Variants in TPRA1 observed in about 807,000 individuals in gnomAD.
The protein encoded by TPRA1 is transmembrane protein adipocyte-associated 1.
A neutral mutation model predicts 40.1 loss-of-function variants in TPRA1; 28 were observed. The observed-to-expected ratio is 0.70, with a 90% CI of 0.52 to 0.96. The LOEUF (loss-of-function observed/expected upper bound fraction) is 0.96, where lower values mean the gene tolerates loss of function less well. Among genes scored for constraint, TPRA1 ranks in the 40% least tolerant of loss-of-function variants. The pLI is 0.00. For missense variants in TPRA1, 441 were observed against 482.6 expected, an observed-to-expected ratio of 0.91 and a Z score of 0.81; for synonymous variants, 219 against 209.7, an observed-to-expected ratio of 1.04 and a Z score of -0.38.
intron 1 of TPRA1, among the ~76,000 whole-genome samples, chr3:127,583,221 G>C (rs2073887352): frequency 1.3e-5 from 2 of 151,924 alleles, no homozygotes; most frequent in African/African-American, 4.8e-5. Context: ...GCTGAGGCAG[G>C]AGAATCACTT....
chr3:127,584,446 C>CAAAAA (rs1425054566), intron 1 of TPRA1, among the ~76,000 whole-genome samples: 1 of 5,310 alleles, frequency 1.9e-4, no homozygotes, highest in Non-Finnish European at 3.4e-4. Context: ...GAGACCCTGT[C>CAAAAA]TAAAAAAAAA....
chr3:127,576,056 G>A lies in TPRA1; in HGVS notation c.499-6C>T, dbSNP rs754845235. The A allele has an allele frequency of 1.2e-6, 2 of 1,608,164 alleles. No individual in the cohort carries two copies. The highest frequency in any genetic ancestry group is 1.7e-6 in the Non-Finnish European group (2 of 1,174,992). ...TACAGGATCTCCAGGGTCCCCTGCA[G>A]GGGCAAGCAGGAAGGGAGGAAGGGA... On this transcript the variant is annotated splice_polypyrimidine_tract_variant and splice_region_variant and intron_variant, in intron 6 of 10. Transcript: ENST00000355552. This position sits in a 1 kb window ranked among gnomAD's most constrained non-coding sequence, Gnocchi z 4.6.
intron 7 of TPRA1, 45 bp from the exon 8 acceptor site, chr3:127,575,854 C>A: frequency 1.2e-6 from 2 of 1,612,262 alleles, no homozygotes; most frequent in Non-Finnish European, 1.7e-6. Context: ...GGCGCCAGCC[C>A]AGACCCACAG....
At position 127,586,145 on chromosome 3, in the gene TPRA1, G is replaced by C. The variant is rs775825989; in HGVS notation, c.-18+4265C>G. On this transcript the variant is annotated intron_variant, in intron 1 of 10. Transcript: ENST00000355552. ...GATCTGTGCCTGTGTGGGGTGTCCA[G>C]AACTGTCTTCCTGCACCCCTGGAGG... Among the ~76,000 whole-genome samples the C allele has an allele frequency of 5.3e-5, 8 of 152,214 alleles. No homozygotes were observed. In the East Asian group the frequency reaches 1.3e-3, roughly 26 times the overall value.
chr3:127,585,277 A>G (rs1296575881), intron 1 of TPRA1, among the ~76,000 whole-genome samples: 2 of 152,228 alleles, frequency 1.3e-5, no homozygotes, highest in East Asian at 3.8e-4. Context: ...CCAGATGCAC[A>G]AGTCCAGAGG....
chr3:127,574,458 A>G (rs1402306466), intron 10 of TPRA1, among the ~76,000 whole-genome samples: 1 of 152,226 alleles, frequency 6.6e-6, no homozygotes, highest in Non-Finnish European at 1.5e-5. Flanking sequence ...CCCATCTCAC[A>G]GACGCTTCTG....
intron 1 of TPRA1, chr3:127,597,969 A>T (rs976422522): frequency 5.1e-6 from 1 of 194,662 alleles, no homozygotes; most frequent in Non-Finnish European, 1.1e-5. Context: ...CACCATGCCC[A>T]ACTAATTTTT....
At chr3:127,592,382 T>TG (rs1454229409), upstream of TPRA1, among the ~76,000 whole-genome samples, 4 of 140,874 alleles carry the variant, frequency 2.8e-5, no homozygotes, top group East Asian at 4.2e-4. Flanking sequence ...TTTTTTTTTT[T>TG]TTTTTTTTTT....
intron 10 of TPRA1, 64 bp downstream of exon 10, chr3:127,575,121 C>A: frequency 6.4e-7 from 1 of 1,552,986 alleles, no homozygotes; most frequent in South Asian, 1.1e-5. Flanking sequence ...TCCTCACACC[C>A]ATGCTGGAAG....
intron 1 of TPRA1, among the ~76,000 whole-genome samples, chr3:127,595,883 T>C (rs2074235680): frequency 6.6e-6 from 1 of 152,084 alleles, no homozygotes; most frequent in African/African-American, 2.4e-5. Flanking sequence ...AGGACCTGAA[T>C]CCTATCATGT....
chr3:127,576,997 G>A lies in TPRA1; in HGVS notation c.338C>T (p.Ala113Val), dbSNP rs1559835920. Residue 113 changes from alanine to valine, a missense_variant, in exon 4 of 11, where the codon GCT becomes GTT. Transcript: ENST00000355552. The surrounding 1 kb of genome is among the most constrained non-coding windows in gnomAD (Gnocchi z 4.6). ...CAGAGGGCCCAGCCGCACCTTATCA[G>A]CAACAGTTGCAGCGTTCGAGGTGCT... ...TVSTSNAATV[A>V]DKILWEITRF... is the part of the protein sequence containing the mutation. 6.2e-7 allele frequency: 1 copy of A among 1,613,854 alleles called. No homozygotes were observed. Among genetic ancestry groups the A allele is most frequent in the Non-Finnish European group, 8.5e-7 (1 of 1,180,028 alleles).
chr3:127,592,830 G>A (rs368117830), upstream of TPRA1, among the ~76,000 whole-genome samples: 38 of 152,262 alleles, frequency 2.5e-4, no homozygotes, highest in East Asian at 9.7e-4. Flanking sequence ...CGTTGTACCC[G>A]GATGGACTCT....
intron 10 of TPRA1, among the ~76,000 whole-genome samples, chr3:127,574,304 G>A (rs1451120165): frequency 5.3e-5 from 8 of 152,364 alleles, no homozygotes; most frequent in African/African-American, 1.9e-4. Flanking sequence ...CCATGGACCA[G>A]TCTGGCCCTC....
At position 127,576,351 on chromosome 3, in the gene TPRA1, T is replaced by G. The variant is rs551362411; in HGVS notation, c.498+266A>C. 1.5e-4 allele frequency among the ~76,000 whole-genome samples: 23 copies of G among 151,512 alleles called. No individual in the cohort carries two copies. Among genetic ancestry groups the G allele is most frequent in the South Asian group, 1.0e-3 (5 of 4,786 alleles). ...TCTAGATGCATGCTTCTCAGGGGGG[T>G]CTGCGGACCTGCACCATCCCTACCT... is the stretch of plus-strand genomic sequence containing the variant. On this transcript the variant is annotated intron_variant, in intron 6 of 10. Coordinates refer to ENST00000355552, the MANE Select transcript of TPRA1 (RefSeq NM_001136053.4). The surrounding 1 kb of genome is among the most constrained non-coding windows in gnomAD (Gnocchi z 4.6).
At position 127,579,890 on chromosome 3, in the gene TPRA1, G is replaced by A. The variant is rs2073773369; in HGVS notation, c.126-18C>T. The A allele has an allele frequency of 3.1e-6, 5 of 1,612,804 alleles. No individual in the cohort carries two copies. The highest frequency in any genetic ancestry group is 4.2e-6 in the Non-Finnish European group (5 of 1,179,948). Reference sequence around the variant, plus strand: ...ACCGGACCCTGGCGGATGGGCACAGGAGCTGGCTCACTGGCGAGGCCACAT... The same window carrying A: ...ACCGGACCCTGGCGGATGGGCACAGAAGCTGGCTCACTGGCGAGGCCACAT... On this transcript the variant is annotated intron_variant, in intron 2 of 10. Transcript: ENST00000355552.
chr3:127,591,122 A>G (rs1052936377), upstream of TPRA1: 2 of 151,976 alleles, frequency 1.3e-5, no homozygotes, highest in African/African-American at 2.4e-5. Context: ...GCCTCCGGGG[A>G]CCGCCCCCTC....
At position 127,573,629 on chromosome 3, in the gene TPRA1, G is replaced by A. The variant is rs147812364; in HGVS notation, c.1014C>T (p.Phe338=). Residue 338 remains phenylalanine (F), a synonymous_variant, in exon 11 of 11, where the codon TTC becomes TTT. Transcript: ENST00000355552. ...GGTAGGCCACCCCGCCGGCAGAGTC[G>A]AACTGCGTGCTCGAGTAGCTGGCAG... ...ASAASYSSTQ[F]DSAGGVAYLD... is the part of the protein sequence containing the mutation. 1.2e-5 allele frequency: 20 copies of A among 1,613,206 alleles called. No individual in the cohort carries two copies. Among genetic ancestry groups the A allele is most frequent in the Non-Finnish European group, 1.6e-5 (19 of 1,180,004 alleles).
chr3:127,589,124 G>A (rs991322340), intron 1 of TPRA1, among the ~76,000 whole-genome samples: 1 of 152,184 alleles, frequency 6.6e-6, no homozygotes, highest in African/African-American at 2.4e-5. Context: ...CCTGGGAGGA[G>A]TCTCCCAGAC....
chr3:127,590,257 C>G (rs1259586452), intron 1 of TPRA1, among the ~76,000 whole-genome samples, 153 bp downstream of exon 1: 1 of 152,196 alleles, frequency 6.6e-6, no homozygotes, highest in Admixed American at 6.5e-5. Flanking sequence ...GCCTTCCCTC[C>G]CAAACGCCGC....
Sources: gnomAD v4.1 joint callset for allele counts (sites outside exome capture counted in the v4.1 genomes callset) on GRCh38, gnomAD v4.1.1 for gene constraint, Gnocchi (gnomAD v3.1) non-coding constraint, MANE v1.5 for transcripts, NCBI Gene and HGNC (gene_info 2026-07-23, HGNC 2026-07-21) for gene names.